The following PRKD1 variants were observed in gnomAD, a reference collection of about 807,000 sequenced individuals.
PRKD1 encodes protein kinase D1.
PRKD1 carries 63 observed loss-of-function variants against 95.9 expected under a neutral mutation model. The observed-to-expected ratio is 0.66, with a 90% CI of 0.54 to 0.81. The LOEUF is 0.81. Among genes scored for constraint, PRKD1 ranks in the 30% least tolerant of loss-of-function variants. The probability of loss-of-function intolerance (pLI) is 0.00; values close to 1 mark genes in which losing one functional copy is unlikely to be tolerated. For missense variants in PRKD1, 1,048 were observed against 1,165.3 expected, an observed-to-expected ratio of 0.90 and a Z score of 1.47; for synonymous variants, 425 against 423.1, an observed-to-expected ratio of 1.00 and a Z score of -0.05.
At chr14:29,656,570 C>T (rs2139192130) in intron 4 of PRKD1, 5 of 1,462,022 alleles carry the variant, frequency 3.4e-6, no homozygotes, top group East Asian at 2.5e-5. Flanking sequence ...GACAGGAAAA[C>T]AACGTTATTG....
intron 16 of PRKD1, among the ~76,000 whole-genome samples, chr14:29,585,153 G>T (rs542507615): frequency 2.1e-4 from 32 of 152,136 alleles, no homozygotes; most frequent in Admixed American, 1.8e-3. Context: ...CTGATGGGAA[G>T]TTGTGTGTTT....
At chr14:29,728,041 G>A (rs1003234921) in intron 1 of PRKD1, among the ~76,000 whole-genome samples, 2 of 151,792 alleles carry the variant, frequency 1.3e-5, no homozygotes, top group Non-Finnish European at 2.9e-5. Context: ...GGATAGCATT[G>A]GGAGATATAC....
At chr14:29,776,535 A>G (rs1888764351) in intron 1 of PRKD1, among the ~76,000 whole-genome samples, 1 of 152,226 alleles carries the variant, frequency 6.6e-6, no homozygotes, top group Non-Finnish European at 1.5e-5. Flanking sequence ...AACTGGAAGA[A>G]AGGGTATCAG....
At chr14:29,846,760 G>C (rs569099518) in intron 1 of PRKD1, among the ~76,000 whole-genome samples, 144 of 152,330 alleles carry the variant, frequency 9.5e-4, no homozygotes, top group Non-Finnish European at 1.7e-3. Context: ...TGGCAGGTGA[G>C]AGTGACAGTG....
intron 1 of PRKD1, among the ~76,000 whole-genome samples, chr14:29,776,686 A>C (rs1888773483): frequency 6.6e-6 from 1 of 152,208 alleles, no homozygotes; most frequent in Admixed American, 6.5e-5. Context: ...CCTGAAAGTG[A>C]TGGGGAGAAT....
chr14:29,901,877 T>C (rs1449946713), intron 1 of PRKD1, among the ~76,000 whole-genome samples: 1 of 152,164 alleles, frequency 6.6e-6, no homozygotes, highest in Non-Finnish European at 1.5e-5. Context: ...ATGCAGAAAC[T>C]TCATATCCAG....
chr14:29,812,465 C>T lies in PRKD1; in HGVS notation c.265-86791G>A, dbSNP rs145983561. ...AAAGCGTTCAGTTATCGTATTAGTT[C>T]GTTTTCACACTGCTATAAAGAAATA... is the stretch of plus-strand genomic sequence containing the variant. On this transcript the variant is annotated intron_variant, in intron 1 of 17. Transcript: ENST00000331968. Among the ~76,000 whole-genome samples, 124 of 152,256 alleles carry T rather than the reference C, an allele frequency of 8.1e-4. 2 individuals are homozygous for T. In the South Asian group the frequency reaches 0.011, roughly 13 times the overall value.
At chr14:29,893,030 T>C (rs1893993643) in intron 1 of PRKD1, among the ~76,000 whole-genome samples, 1 of 152,196 alleles carries the variant, frequency 6.6e-6, no homozygotes, top group Non-Finnish European at 1.5e-5. Flanking sequence ...CAATAACATA[T>C]CTATTGACTT....
At chr14:29,668,706 TAATAA>T (rs1452193382) in intron 2 of PRKD1, among the ~76,000 whole-genome samples, 1 of 152,172 alleles carries the variant, frequency 6.6e-6, no homozygotes, top group Non-Finnish European at 1.5e-5. Flanking sequence ...ATTATTTGCA[TAATAA>T]AATAAAATAA....
At chr14:29,877,656 T>C (rs1893348046) in intron 1 of PRKD1, among the ~76,000 whole-genome samples, 2 of 152,220 alleles carry the variant, frequency 1.3e-5, no homozygotes, top group Non-Finnish European at 2.9e-5. Flanking sequence ...GATGAGTTGA[T>C]TTTTGTATAT....
chr14:29,684,265 C>T (rs961690188), intron 2 of PRKD1, among the ~76,000 whole-genome samples: 7 of 151,762 alleles, frequency 4.6e-5, no homozygotes, highest in African/African-American at 1.7e-4. Flanking sequence ...ATTCTCCTAC[C>T]TCAGCCTCCC....
At chr14:29,853,936 T>C (rs189446545) in intron 1 of PRKD1, among the ~76,000 whole-genome samples, 1 of 152,332 alleles carries the variant, frequency 6.6e-6, no homozygotes, top group African/African-American at 2.4e-5. Context: ...TTGCTCCTCC[T>C]TGCTTTCCAC....
chr14:29,633,237 A>C (rs1291359752), intron 8 of PRKD1, among the ~76,000 whole-genome samples: 1 of 152,184 alleles, frequency 6.6e-6, no homozygotes, highest in East Asian at 1.9e-4. Context: ...AGAAAACATC[A>C]TTTTTAAGCT....
In PRKD1 at chr14:29,666,157, T is replaced by C. The variant is rs1369969231; in HGVS notation, c.455A>G (p.His152Arg). Residue 152 changes from histidine to arginine, a missense_variant, in exon 3 of 18, where the codon CAT becomes CGT. Physicochemically the swap from His to Arg is conservative, Grantham distance 29. Around this residue, in one of 3 missense-constraint regions of PRKD1, gnomAD observed 275 missense variants for 248.6 expected, o/e 1.11. Transcript: ENST00000331968. ...FQIRPHALFV[H>R]SYRAPAFCDH... ...ACAGAAAGCTGGAGCTCTGTATGAATGAACAAAGAGAGCGTGGGGACGAAT... is the reference window on the plus strand; with the variant it reads ...ACAGAAAGCTGGAGCTCTGTATGAACGAACAAAGAGAGCGTGGGGACGAAT... 2.5e-6 allele frequency: 4 copies of C among 1,608,602 alleles called. No individual in the cohort carries two copies. Among genetic ancestry groups the C allele is most frequent in the Non-Finnish European group, 3.4e-6 (4 of 1,176,254 alleles).
intron 2 of PRKD1, among the ~76,000 whole-genome samples, chr14:29,704,831 G>T (rs1468384755): frequency 6.6e-6 from 1 of 151,668 alleles, no homozygotes; most frequent in African/African-American, 2.4e-5. Context: ...GTTTAAATAA[G>T]TTGAAAGAAC....
At chr14:29,767,798 A>G (rs1446637422) in intron 1 of PRKD1, among the ~76,000 whole-genome samples, 1 of 152,228 alleles carries the variant, frequency 6.6e-6, no homozygotes, top group Non-Finnish European at 1.5e-5. Flanking sequence ...AAAGTGACTG[A>G]TTTCACTTTT....
chr14:29,681,628 A>G lies in PRKD1; in HGVS notation c.404-15420T>C, dbSNP rs369555449. 4.6e-5 allele frequency among the ~76,000 whole-genome samples: 7 copies of G among 152,292 alleles called. No homozygotes were observed. The East Asian group carries it at 9.7e-4, about 21-fold the overall frequency. ...GGCCTATGAGCAGCATTATTCGCCA[A>G]TGCATCCTGAGGAATATGAACCAAG... On this transcript the variant is annotated intron_variant, in intron 2 of 17. Transcript: ENST00000331968.
chr14:29,675,777 C>T (rs1392531602), intron 2 of PRKD1, among the ~76,000 whole-genome samples: 1 of 152,022 alleles, frequency 6.6e-6, no homozygotes, highest in African/African-American at 2.4e-5. Flanking sequence ...GGCACATATA[C>T]ACCATGGAAT....
intron 1 of PRKD1, among the ~76,000 whole-genome samples, chr14:29,860,469 T>G (rs1892669544): frequency 1.3e-5 from 2 of 152,186 alleles, no homozygotes; most frequent in African/African-American, 4.8e-5. Flanking sequence ...AACCAGCTAC[T>G]CAGAGTTGCT....
Sources: allele counts gnomAD v4.1 joint callset (sites outside exome capture counted in the v4.1 genomes callset), GRCh38; gene constraint gnomAD v4.1.1; regional missense constraint gnomAD v4.1.1; transcripts MANE v1.5; gene names NCBI Gene and HGNC (gene_info 2026-07-23, HGNC 2026-07-21).